Variants in TMEM117 observed in about 807,000 individuals in gnomAD.
TMEM117 encodes the protein transmembrane protein 117.
TMEM117 carries 27 observed loss-of-function variants against 52.4 expected under a neutral mutation model. The ratio of observed to expected loss-of-function variants is 0.51; its 90% CI spans 0.38 to 0.71. TMEM117 has a LOEUF of 0.71. Among genes scored for constraint, TMEM117 ranks in the 30% least tolerant of loss-of-function variants. The pLI, the probability that TMEM117 is intolerant of heterozygous loss-of-function variation, is 0.00. For synonymous variants in TMEM117, 215 were observed against 206.3 expected, an observed-to-expected ratio of 1.04 and a Z score of -0.36; for missense variants, 556 against 630.5, an observed-to-expected ratio of 0.88 and a Z score of 1.26.
the TMEM117 span, among the ~76,000 whole-genome samples, chr12:43,817,130 T>A: frequency 6.6e-6 from 1 of 152,212 alleles, no homozygotes. Context: ...TGACACAGAA[T>A]TGAGTAAAAA....
chr12:44,324,063 A>G (rs1168657014), intron 6 of TMEM117, among the ~76,000 whole-genome samples: 1 of 152,014 alleles, frequency 6.6e-6, no homozygotes, highest in Non-Finnish European at 1.5e-5. Flanking sequence ...GTATTTAGAG[A>G]GAAAAGAGAA....
At position 44,387,219 on chromosome 12, in the gene TMEM117, CTCTAGTATACCTGAAAAGTTT is replaced by C. The variant is rs1390903249; in HGVS notation, c.899-784_899-764del. On this transcript the variant is annotated intron_variant, in intron 7 of 7. Coordinates refer to ENST00000266534, the MANE Select transcript of TMEM117 (RefSeq NM_032256.3). Reference sequence around the variant, plus strand: ...AAATCATAATAAAAATTATAATGGACTCTAGTATACCTGAAAAGTTTTCTAGTATACCTGAAAAGTTTTTCC... The same window carrying C: ...AAATCATAATAAAAATTATAATGGACTCTAGTATACCTGAAAAGTTTTTCC... Among the ~76,000 whole-genome samples, 19 of 151,682 alleles carry C rather than the reference CTCTAGTATACCTGAAAAGTTT, an allele frequency of 1.3e-4. No individual in the cohort carries two copies. In the East Asian group the frequency reaches 3.7e-3, roughly 29 times the overall value.
intron 3 of TMEM117, among the ~76,000 whole-genome samples, chr12:44,047,978 T>C (rs1273214010): frequency 6.6e-6 from 1 of 152,178 alleles, no homozygotes; most frequent in Non-Finnish European, 1.5e-5. Flanking sequence ...TATTTGGTAG[T>C]ATTTTCCAGT....
At chr12:44,391,381 C>T (rs1952161098), downstream of TMEM117, among the ~76,000 whole-genome samples, 1 of 152,156 alleles carries the variant, frequency 6.6e-6, no homozygotes, top group African/African-American at 2.4e-5. Flanking sequence ...TTTAGCATAG[C>T]TGAGATCACC....
intron 2 of TMEM117, among the ~76,000 whole-genome samples, chr12:43,845,960 C>T (rs1355485440): frequency 2.6e-5 from 4 of 152,064 alleles, no homozygotes; most frequent in South Asian, 4.2e-4. Flanking sequence ...TAGCTTTTCC[C>T]CTCATAAATA....
chr12:44,331,199 C>A (rs1951266051), intron 6 of TMEM117, among the ~76,000 whole-genome samples: 1 of 150,844 alleles, frequency 6.6e-6, no homozygotes, highest in Non-Finnish European at 1.5e-5. Flanking sequence ...AAAAAAAAAT[C>A]TTTTTTTCTC....
At chr12:43,948,931 G>A (rs1313592640) in intron 3 of TMEM117, among the ~76,000 whole-genome samples, 3 of 152,140 alleles carry the variant, frequency 2.0e-5, no homozygotes, top group Non-Finnish European at 4.4e-5. Flanking sequence ...GGTGACTTAG[G>A]CACTTGAATT....
chr12:44,297,606 A>G (rs776623555), intron 5 of TMEM117, among the ~76,000 whole-genome samples: 8 of 152,202 alleles, frequency 5.3e-5, no homozygotes, highest in Non-Finnish European at 1.2e-4. Context: ...CCTTGTGGGA[A>G]ATGCATTTGA....
At chr12:44,071,362 T>C (rs1947299309) in intron 3 of TMEM117, among the ~76,000 whole-genome samples, 1 of 152,076 alleles carries the variant, frequency 6.6e-6, no homozygotes, top group African/African-American at 2.4e-5. Flanking sequence ...GGGATTGAAA[T>C]AATGAATGAC....
intron 4 of TMEM117, among the ~76,000 whole-genome samples, chr12:44,161,605 G>T (rs1016199246): frequency 6.6e-5 from 10 of 152,146 alleles, no homozygotes; most frequent in Non-Finnish European, 1.5e-4. Flanking sequence ...CCCTAGCACA[G>T]TTCTTAGTAA....
At chr12:44,358,196 T>C (rs1056705144) in intron 6 of TMEM117, among the ~76,000 whole-genome samples, 14 of 151,964 alleles carry the variant, frequency 9.2e-5, no homozygotes, top group Middle Eastern at 3.4e-3. Context: ...CAGTCAAAGG[T>C]TGAAAAACTA....
chr12:44,241,272 A>G (rs1003329608), intron 5 of TMEM117, among the ~76,000 whole-genome samples: 6 of 151,724 alleles, frequency 4.0e-5, no homozygotes, highest in African/African-American at 1.5e-4. Flanking sequence ...TTGTATCCAC[A>G]GATGTGGAGC....
intron 2 of TMEM117, among the ~76,000 whole-genome samples, chr12:43,938,692 G>A (rs1365972736): frequency 2.6e-5 from 4 of 151,962 alleles, no homozygotes; most frequent in Non-Finnish European, 4.4e-5. Flanking sequence ...ACAGACATGA[G>A]AAAAAAAGAT....
the TMEM117 span, chr12:43,800,594 A>G: frequency 5.6e-6 from 7 of 1,244,148 alleles, no homozygotes; most frequent in Non-Finnish European, 8.2e-6. Flanking sequence ...AAGCAAGCAC[A>G]TTCTGAATAT....
At chr12:44,332,411 G>T (rs1007504670) in intron 6 of TMEM117, among the ~76,000 whole-genome samples, 4 of 151,930 alleles carry the variant, frequency 2.6e-5, no homozygotes, top group Non-Finnish European at 4.4e-5. Flanking sequence ...CAAACAACTG[G>T]ACCAAAGGAA....
chr12:44,200,378 G>A (rs1565583597), intron 4 of TMEM117, among the ~76,000 whole-genome samples: 1 of 152,032 alleles, frequency 6.6e-6, no homozygotes, highest in Non-Finnish European at 1.5e-5. Flanking sequence ...TTTGAACAAA[G>A]TTGTATTTGG....
At chr12:44,195,638 C>G (rs1949408775) in intron 4 of TMEM117, among the ~76,000 whole-genome samples, 1 of 149,536 alleles carries the variant, frequency 6.7e-6, no homozygotes, top group Non-Finnish European at 1.5e-5. Context: ...ATATTGCTGT[C>G]TAGCAAAATA....
intron 3 of TMEM117, among the ~76,000 whole-genome samples, chr12:44,068,303 T>C (rs1947252291): frequency 6.6e-6 from 1 of 152,220 alleles, no homozygotes; most frequent in African/African-American, 2.4e-5. Context: ...TCAAGAACAT[T>C]TTCTTTGCAT....
chr12:44,180,797 A>G (rs1022354522), intron 4 of TMEM117, among the ~76,000 whole-genome samples: 9 of 152,062 alleles, frequency 5.9e-5, no homozygotes, highest in Admixed American at 2.0e-4. Context: ...ATCGTGAATA[A>G]TGCCGCAATA....
Sources: allele counts gnomAD v4.1 joint callset (sites outside exome capture counted in the v4.1 genomes callset), GRCh38; gene constraint gnomAD v4.1.1; transcripts MANE v1.5; gene names NCBI Gene and HGNC (gene_info 2026-07-23, HGNC 2026-07-21).